GNAQ: variants seen among roughly 807,000 people sequenced by gnomAD.
The protein encoded by GNAQ is guanine nucleotide-binding protein G(q) subunit alpha.
GNAQ carries 8 observed loss-of-function variants against 43.9 expected under a neutral mutation model. The observed-to-expected ratio is 0.18, with a 90% CI of 0.11 to 0.33. The LOEUF is 0.33. Ranked by LOEUF, GNAQ falls within the 10% of genes least tolerant of loss-of-function variation. The pLI is 1.00. For synonymous variants in GNAQ, 155 were observed against 170.7 expected (o/e 0.91, Z 0.71); for missense variants, 158 against 450.8 (o/e 0.35, Z 5.88).
chr9:77,871,946 T>C (rs984457115), intron 2 of GNAQ, among the ~76,000 whole-genome samples: 2 of 152,206 alleles, frequency 1.3e-5, no homozygotes, highest in African/African-American at 4.8e-5. Context: ...GGACAAAACA[T>C]TGCTATGCCC....
intron 2 of GNAQ, among the ~76,000 whole-genome samples, chr9:77,870,404 C>T (rs113062542): frequency 0.013 from 1,884 of 147,072 alleles, 54 homozygotes; most frequent in African/African-American, 0.046. Flanking sequence ...GATCTCAGCT[C>T]ACTGCAAGCT....
chr9:77,850,125 G>A (rs1273750762), intron 2 of GNAQ, among the ~76,000 whole-genome samples: 2 of 152,190 alleles, frequency 1.3e-5, no homozygotes, highest in Admixed American at 6.5e-5. Flanking sequence ...CCTGATGGCC[G>A]CAGGCCCCTT....
intron 2 of GNAQ, among the ~76,000 whole-genome samples, chr9:77,820,087 CAAAAAAAAA>C (rs3083136): frequency 9.5e-6 from 1 of 104,992 alleles, no homozygotes; most frequent in Non-Finnish European, 1.8e-5. Flanking sequence ...ATTTAAAATG[CAAAAAAAAA>C]AAAAAAAAAA....
rs144579530 is a variant in GNAQ at position 77,983,211 on chromosome 9, G to A, written c.136+47889C>T. On this transcript the variant is annotated intron_variant, in intron 1 of 6. Transcript: ENST00000286548. ...TAGTTCTATGCAACAGTATGAACTCGTGCATGGTGATAACATTTACATAGT... is the reference window on the plus strand; with the variant it reads ...TAGTTCTATGCAACAGTATGAACTCATGCATGGTGATAACATTTACATAGT... 3.9e-5 allele frequency among the ~76,000 whole-genome samples: 6 copies of A among 152,312 alleles called. No individual in the cohort carries two copies. In the East Asian group the frequency reaches 9.6e-4, roughly 24 times the overall value.
At chr9:77,736,037 G>T (rs79684460) in intron 5 of GNAQ, among the ~76,000 whole-genome samples, 1 of 152,112 alleles carries the variant, frequency 6.6e-6, no homozygotes, top group Non-Finnish European at 1.5e-5. Context: ...TAGGCAATTT[G>T]CTCCTCTCAA....
chr9:77,928,838 G>A (rs972901367), intron 1 of GNAQ, among the ~76,000 whole-genome samples: 1 of 152,058 alleles, frequency 6.6e-6, no homozygotes, highest in African/African-American at 2.4e-5. Context: ...TGGCCAACAT[G>A]GTGAAACCCC....
At chr9:78,010,018 T>G (rs185947980) in intron 1 of GNAQ, among the ~76,000 whole-genome samples, 155 of 152,300 alleles carry the variant, frequency 1.0e-3, no homozygotes, top group African/African-American at 3.7e-3. Context: ...ATTGTTGGGA[T>G]AATTTATTTA....
At position 77,728,058 on chromosome 9, in the gene GNAQ, G is replaced by A. The variant is rs62571039; in HGVS notation, c.889+456C>T. 9.2e-3 allele frequency among the ~76,000 whole-genome samples: 1,402 copies of A among 151,816 alleles called. 7 individuals carry two copies. The highest frequency in any genetic ancestry group is 0.031 in the Middle Eastern group (9 of 294). On this transcript the variant is annotated intron_variant, in intron 6 of 6. Transcript: ENST00000286548. ...TTGCCAGGCTGGAGTGCAGTGGCGC[G>A]ATCTTGGCTCACTGCAACCTCCGCC...
chr9:77,888,465 G>C (rs1221245240), intron 2 of GNAQ, among the ~76,000 whole-genome samples: 1 of 152,204 alleles, frequency 6.6e-6, no homozygotes, highest in Non-Finnish European at 1.5e-5. Context: ...ACTTTCCTGA[G>C]CAGAGTGGGG....
Position 77,815,742 on chromosome 9 carries a change from T to A in GNAQ, c.350A>T (p.Asp117Val). 1.2e-6 allele frequency: 2 copies of A among 1,611,778 alleles called. No individual in the cohort carries two copies. Among genetic ancestry groups the A allele is most frequent in the Non-Finnish European group, 1.7e-6 (2 of 1,178,232 alleles). ...KAHAQLVREV[D>V]VEKVSAFENP... ...CTCAAAAGCAGACACCTTCTCCACA[T>A]CAACTTCTCGAACTAATTGTGCATG... is the stretch of plus-strand genomic sequence containing the variant. The change falls in exon 3 of 7, where the codon GAT (aspartate) becomes GTT (valine). Residue 117 changes from aspartate to valine, a missense_variant. Asp to Val is a radical substitution (Grantham distance 152). Coordinates refer to ENST00000286548, the MANE Select transcript of GNAQ (RefSeq NM_002072.5).
chr9:77,734,952 CAT>C (rs916749918), intron 5 of GNAQ, among the ~76,000 whole-genome samples: 6 of 152,182 alleles, frequency 3.9e-5, no homozygotes, highest in African/African-American at 1.4e-4. Context: ...GTTAAGACAA[CAT>C]CTGCTGGGTA....
Position 78,031,770 on chromosome 9 carries a change from C to A in GNAQ, c.-535G>T, listed in dbSNP as rs868820404. ...CCCTCGGCCCTGTCCGCGCCCACCG[C>A]CCGGCTCGCGCGCAGACCCGGTTCC... On this transcript the variant is annotated 5_prime_UTR_variant, in exon 1 of 7. Transcript: ENST00000286548. Among the ~76,000 whole-genome samples, 630 of 147,940 alleles carry A rather than the reference C, an allele frequency of 4.3e-3. 6 individuals carry two copies. The highest frequency in any genetic ancestry group is 0.015 in the African/African-American group (611 of 40,936).
At chr9:77,824,718 G>C (rs1199162127) in intron 2 of GNAQ, among the ~76,000 whole-genome samples, 8 of 152,154 alleles carry the variant, frequency 5.3e-5, no homozygotes, top group Non-Finnish European at 2.9e-5. Flanking sequence ...AACCATGTTG[G>C]ATATTTCACT....
At chr9:77,931,619 A>G (rs913158095) in intron 1 of GNAQ, among the ~76,000 whole-genome samples, 1 of 152,112 alleles carries the variant, frequency 6.6e-6, no homozygotes, top group Admixed American at 6.5e-5. Flanking sequence ...AACTCTCAAG[A>G]ACAGTAGTGA....
At chr9:77,946,831 C>T (rs1297528444) in intron 1 of GNAQ, among the ~76,000 whole-genome samples, 1 of 152,190 alleles carries the variant, frequency 6.6e-6, no homozygotes, top group Non-Finnish European at 1.5e-5. Flanking sequence ...GGACCTGTCA[C>T]TTTCTTCATC....
chr9:77,825,390 C>T (rs1026427170), intron 2 of GNAQ, among the ~76,000 whole-genome samples: 1 of 152,110 alleles, frequency 6.6e-6, no homozygotes, highest in Non-Finnish European at 1.5e-5. Flanking sequence ...GCCCACTGAC[C>T]CTACTCACAG....
intron 5 of GNAQ, among the ~76,000 whole-genome samples, chr9:77,743,035 G>A (rs1324471414): frequency 2.0e-5 from 3 of 152,186 alleles, no homozygotes; most frequent in Non-Finnish European, 2.9e-5. Context: ...CAAGGTGGGT[G>A]GATCACAAGG....
At chr9:77,777,089 A>C (rs1185860420) in intron 5 of GNAQ, among the ~76,000 whole-genome samples, 1 of 152,126 alleles carries the variant, frequency 6.6e-6, no homozygotes, top group East Asian at 1.9e-4. Context: ...TATGTTCACG[A>C]TCACCTGGTT....
At chr9:77,853,844 T>C (rs938931608) in intron 2 of GNAQ, among the ~76,000 whole-genome samples, 1 of 145,836 alleles carries the variant, frequency 6.9e-6, no homozygotes, top group Non-Finnish European at 1.5e-5. Flanking sequence ...AATTACCTTA[T>C]ATCCACCCTG....
Sources: gnomAD v4.1 joint callset for allele counts (sites outside exome capture counted in the v4.1 genomes callset) on GRCh38, gnomAD v4.1.1 for gene constraint, MANE v1.5 for transcripts, NCBI Gene and HGNC (gene_info 2026-07-23, HGNC 2026-07-21) for gene names.